Variants in RIMS2 observed in about 807,000 individuals in gnomAD.
RIMS2 encodes the protein regulating synaptic membrane exocytosis protein 2.
Under a neutral mutation model 174.4 loss-of-function variants are expected in RIMS2, and 59 were observed. That is an observed-to-expected ratio of 0.34 (90% CI 0.27 to 0.42). The LOEUF (loss-of-function observed/expected upper bound fraction) is 0.42. Ranked by LOEUF, RIMS2 falls within the 10% of genes least tolerant of loss-of-function variation. The pLI, the probability that RIMS2 is intolerant of heterozygous loss-of-function variation, is 1.00. For missense variants in RIMS2, 1,620 were observed against 1,666.3 expected (o/e 0.97, Z 0.48); for synonymous variants, 606 against 572.5 (o/e 1.06, Z -0.84).
At chr8:103,724,370 A>G (rs1381950410) in intron 2 of RIMS2, among the ~76,000 whole-genome samples, 1 of 152,154 alleles carries the variant, frequency 6.6e-6, no homozygotes, top group Non-Finnish European at 1.5e-5. Context: ...TTGTATTACT[A>G]TATTTGTATT....
At chr8:104,193,918 G>A (rs2099010774) in intron 19 of RIMS2, among the ~76,000 whole-genome samples, 1 of 152,108 alleles carries the variant, frequency 6.6e-6, no homozygotes, top group African/African-American at 2.4e-5. Flanking sequence ...CTTGCTAGCT[G>A]TCATCTGGAA....
chr8:104,142,042 T>A (rs1014793587), intron 19 of RIMS2, among the ~76,000 whole-genome samples: 1 of 152,162 alleles, frequency 6.6e-6, no homozygotes, highest in African/African-American at 2.4e-5. Flanking sequence ...TACCTCTTAA[T>A]TTTGAGAATA....
rs139511846 is a variant in RIMS2, at chr8:104,090,287, G to A, written c.3334+75672G>A. 9.0e-3 allele frequency among the ~76,000 whole-genome samples: 1,360 copies of A among 151,836 alleles called. 10 individuals carry two copies. Among genetic ancestry groups the A allele is most frequent in the Middle Eastern group, 0.024 (7 of 294 alleles). On this transcript the variant is annotated intron_variant, in intron 19 of 23. Transcript: ENST00000504942. ...CTCAGCAAATTGGATGATCTGAGAA[G>A]TCTTGGATAAAGATATGCACAGTGC...
At position 104,052,711 on chromosome 8, in the gene RIMS2, A is replaced by G. The variant is rs117097461; in HGVS notation, c.3334+38096A>G. ...TGGGGCAAGCTGGGTTTTAGGTGCT[A>G]AGGGGGCCCACTTGGGGATGACTAG... On this transcript the variant is annotated intron_variant, in intron 19 of 23. Transcript: ENST00000504942. Among the ~76,000 whole-genome samples, 78 of 152,214 alleles carry G rather than the reference A, an allele frequency of 5.1e-4. No individual in the cohort carries two copies. The East Asian group carries it at 0.013, about 26-fold the overall frequency.
chr8:103,941,761 A>G lies in RIMS2; in HGVS notation c.2548-1012A>G, dbSNP rs1321193891. On this transcript the variant is annotated intron_variant, in intron 13 of 23. Coordinates refer to ENST00000504942, the Ensembl canonical transcript of RIMS2. ...TTTTCTTTTCTTGTTTTAAATCTTTAGCAGGATAGTATGATAAATACAGAA... is the reference window on the plus strand; with the variant it reads ...TTTTCTTTTCTTGTTTTAAATCTTTGGCAGGATAGTATGATAAATACAGAA... Among the ~76,000 whole-genome samples, 6 of 152,278 alleles carry G rather than the reference A, an allele frequency of 3.9e-5. No individual in the cohort carries two copies. In the East Asian group the frequency reaches 9.6e-4, roughly 24 times the overall value.
intron 3 of RIMS2, among the ~76,000 whole-genome samples, chr8:103,873,628 G>A (rs900456973): frequency 6.6e-6 from 1 of 151,952 alleles, no homozygotes; most frequent in Non-Finnish European, 1.5e-5. Flanking sequence ...AATAGAACAA[G>A]CCCAACATCA....
chr8:104,047,855 G>T (rs910741836), intron 19 of RIMS2, among the ~76,000 whole-genome samples: 1 of 152,038 alleles, frequency 6.6e-6, no homozygotes, highest in East Asian at 1.9e-4. Context: ...GAAAAACATA[G>T]TTGGGTGGAA....
chr8:103,842,983 T>A (rs1028070594), intron 3 of RIMS2, among the ~76,000 whole-genome samples: 2 of 152,226 alleles, frequency 1.3e-5, no homozygotes, highest in African/African-American at 4.8e-5. Context: ...CCTTAGTGTC[T>A]CTGTCCAAAT....
At chr8:103,862,976 C>T (rs2099066357) in intron 3 of RIMS2, among the ~76,000 whole-genome samples, 1 of 152,096 alleles carries the variant, frequency 6.6e-6, no homozygotes, top group African/African-American at 2.4e-5. Flanking sequence ...TGCCTGATTG[C>T]TCTGGCTGAG....
intron 1 of RIMS2, among the ~76,000 whole-genome samples, chr8:103,646,535 A>G (rs1212038097): frequency 6.6e-6 from 1 of 151,710 alleles, no homozygotes; most frequent in African/African-American, 2.4e-5. Flanking sequence ...CTGATGTTCT[A>G]CCTCTCTCCG....
intron 19 of RIMS2, among the ~76,000 whole-genome samples, chr8:104,224,786 C>G (rs923243771): frequency 6.6e-6 from 1 of 151,734 alleles, no homozygotes; most frequent in African/African-American, 2.4e-5. Context: ...GCTTTTTTTC[C>G]TGATAGGGGA....
intron 1 of RIMS2, among the ~76,000 whole-genome samples, chr8:103,553,993 G>A (rs1159290404): frequency 6.6e-6 from 1 of 152,120 alleles, no homozygotes. Context: ...TAACTGGGTA[G>A]TGTTTGTGAA....
intron 1 of RIMS2, among the ~76,000 whole-genome samples, chr8:103,694,476 G>A (rs757812728): frequency 2.0e-5 from 3 of 152,064 alleles, no homozygotes; most frequent in Admixed American, 6.5e-5. Flanking sequence ...GGGACTATGT[G>A]AGCCAGTATA....
chr8:103,982,014 A>G lies in RIMS2; in HGVS notation c.2927+6508A>G, dbSNP rs552910187. 3.9e-5 allele frequency among the ~76,000 whole-genome samples: 6 copies of G among 152,256 alleles called. No homozygotes were observed. The East Asian group carries it at 1.2e-3, about 29-fold the overall frequency. On this transcript the variant is annotated intron_variant, in intron 16 of 23. Transcript: ENST00000504942. ...AAGTTGACAAACTTTCAGCCAGACTAACAGAGGAAAAAAGAGAGAAGACCC... is the reference window on the plus strand; with the variant it reads ...AAGTTGACAAACTTTCAGCCAGACTGACAGAGGAAAAAAGAGAGAAGACCC...
intron 1 of RIMS2, among the ~76,000 whole-genome samples, chr8:103,651,482 C>CA (rs1413845990): frequency 6.6e-6 from 1 of 152,148 alleles, no homozygotes; most frequent in Non-Finnish European, 1.5e-5. Flanking sequence ...CTTCTCATCT[C>CA]AGAGAATTAG....
At chr8:104,005,305 G>A (rs938740827) in intron 17 of RIMS2, among the ~76,000 whole-genome samples, 9 of 152,256 alleles carry the variant, frequency 5.9e-5, no homozygotes, top group Admixed American at 1.3e-4. Flanking sequence ...ATTATGATTC[G>A]GGGGGTAATT....
Position 104,161,155 on chromosome 8 carries a change from A to G in RIMS2, c.3335-83761A>G, listed in dbSNP as rs563840568. Among the ~76,000 whole-genome samples the G allele has an allele frequency of 9.2e-5, 14 of 152,294 alleles. No homozygotes were observed. The South Asian group carries it at 2.9e-3, about 32-fold the overall frequency. On this transcript the variant is annotated intron_variant, in intron 19 of 23. Transcript: ENST00000504942. ...ACAGCTGTTATTAATATTATTGTTA[A>G]CATAAGTTTAGCTGTTATCATTAAT...
intron 19 of RIMS2, among the ~76,000 whole-genome samples, chr8:104,105,095 T>C (rs1257186730): frequency 2.0e-5 from 3 of 152,110 alleles, no homozygotes; most frequent in African/African-American, 7.2e-5. Context: ...TTTAGGATTG[T>C]GGTAAAATTG....
At chr8:103,666,398 C>T (rs953263357) in intron 1 of RIMS2, among the ~76,000 whole-genome samples, 18 of 152,060 alleles carry the variant, frequency 1.2e-4, no homozygotes, top group African/African-American at 3.9e-4. Flanking sequence ...ATTTGGTCAA[C>T]CGGAGAGGTT....
Sources: gnomAD v4.1 joint callset for allele counts (sites outside exome capture counted in the v4.1 genomes callset) on GRCh38, gnomAD v4.1.1 for gene constraint, MANE v1.5 for transcripts, NCBI Gene and HGNC (gene_info 2026-07-23, HGNC 2026-07-21) for gene names.